Variants in PSMD3 observed in about 807,000 individuals in gnomAD.
The protein encoded by PSMD3 is proteasome 26S subunit, non-ATPase 3, also known as 26S proteasome non-ATPase regulatory subunit 3.
PSMD3 carries 5 observed loss-of-function variants against 62.8 expected under a neutral mutation model. That is an observed-to-expected ratio of 0.08 (90% CI 0.04 to 0.17). The LOEUF is 0.17. Ranked by LOEUF, PSMD3 falls within the 10% of genes least tolerant of loss-of-function variation. The probability of loss-of-function intolerance (pLI) is 1.00; values close to 1 mark genes in which losing one functional copy is unlikely to be tolerated. For missense variants in PSMD3, 524 were observed against 713.6 expected (o/e 0.73, Z 3.03); for synonymous variants, 265 against 283.9 (o/e 0.93, Z 0.67).
In PSMD3 at chr17:39,990,050, A is replaced by G. The variant is rs376030438; in HGVS notation, c.878-44A>G. 2,104 of 1,598,592 alleles carry G rather than the reference A, an allele frequency of 1.3e-3. 3 individuals are homozygous for G. The highest frequency in any genetic ancestry group is 5.5e-3 in the Middle Eastern group (33 of 5,992). On this transcript the variant is annotated intron_variant, in intron 5 of 11. Transcript: ENST00000264639. ...CCCTGGCTTGTCGGTGGGGAGTTGG[A>G]TGACCCTACTCTGTTGACCAACTCT...
intron 4 of PSMD3, 59 bp from the exon 5 acceptor site, chr17:39,989,680 A>T: frequency 6.7e-7 from 1 of 1,501,040 alleles, no homozygotes. Flanking sequence ...GCGAAGAGTT[A>T]AAGGCAGTTC....
chr17:39,995,657 C>T lies in PSMD3; in HGVS notation c.1320+130C>T. ...ATGGCATAGTCATTTCAGGGCGTGC[C>T]CGTCATTTGCAGTGAAGCCAAGAAG... On this transcript the variant is annotated intron_variant, in intron 9 of 11. Transcript: ENST00000264639. This position sits in a 1 kb window ranked among gnomAD's most constrained non-coding sequence, Gnocchi z 4.1. 2 of 897,518 alleles carry T rather than the reference C, an allele frequency of 2.2e-6. No homozygotes were observed. Among genetic ancestry groups the T allele is most frequent in the African/African-American group, 3.3e-5 (2 of 60,300 alleles). The allele number at this position is 897,518 out of a possible 1,614,324, so 55.6% of individuals were successfully genotyped here.
Position 39,990,216 on chromosome 17 carries a change from C to T in PSMD3, c.981+19C>T, listed in dbSNP as rs932406631. 1 of 1,478,190 alleles carries T rather than the reference C, an allele frequency of 6.8e-7. No homozygotes were observed. The highest frequency in any genetic ancestry group is 9.3e-7 in the Non-Finnish European group (1 of 1,076,618). The allele number at this position is 1,478,190 out of a possible 1,614,324, so 91.6% of individuals were successfully genotyped here. A position where few individuals can be genotyped will look rare whatever the true frequency, so the allele number is the denominator to read the frequency against. On this transcript the variant is annotated intron_variant, in intron 6 of 11. Coordinates refer to ENST00000264639, the MANE Select transcript of PSMD3 (RefSeq NM_002809.4). Reference sequence around the variant, plus strand: ...ACAGACGGTGAGCCACAACTACCATCATCCCTTTGCCTCTTTTTTTTTTTT... The same window carrying T: ...ACAGACGGTGAGCCACAACTACCATTATCCCTTTGCCTCTTTTTTTTTTTT...
chr17:39,990,252 G>C, intron 6 of PSMD3, 55 bp downstream of exon 6: 3 of 1,308,296 alleles, frequency 2.3e-6, no homozygotes, highest in East Asian at 2.5e-5. Flanking sequence ...TTTTTTAAAT[G>C]GTGTCTTGCT....
At chr17:39,992,024 C>CAAA (rs59894264) in intron 6 of PSMD3, among the ~76,000 whole-genome samples, 2 of 102,070 alleles carry the variant, frequency 2.0e-5, no homozygotes, top group East Asian at 3.6e-4. Context: ...GACTCTGTCT[C>CAAA]AAAAAAAAAC....
At chr17:39,993,235 G>A (rs1285088590) in intron 6 of PSMD3, 1 of 152,192 alleles carries the variant, frequency 6.6e-6, no homozygotes, top group Non-Finnish European at 1.5e-5. Context: ...CAATAGTCAT[G>A]TAGGATTAGG....
rs1234335379 is a variant in PSMD3, at chr17:39,997,656, T to C, written c.*75T>C. 2.0e-6 allele frequency: 3 copies of C among 1,503,758 alleles called. No individual in the cohort carries two copies. Among genetic ancestry groups the C allele is most frequent in the Admixed American group, 3.6e-5 (2 of 55,478 alleles). 93.2% of individuals were successfully genotyped at this position (1,503,758 alleles called of 1,614,324 possible). A position where few individuals can be genotyped will look rare whatever the true frequency, so the allele number is the denominator to read the frequency against. On this transcript the variant is annotated 3_prime_UTR_variant, in exon 12 of 12. Coordinates refer to ENST00000264639, the MANE Select transcript of PSMD3 (RefSeq NM_002809.4). ...CTTGGGGGTCCCCTGCCCAGGGCAC[T>C]GTCCCCATTTTCCCACACACAGCTC... is the stretch of plus-strand genomic sequence containing the variant.
In PSMD3 at chr17:39,988,725, C is replaced by A; in HGVS notation, c.592C>A (p.Gln198Lys). The change falls in exon 4 of 12, where the codon CAG becomes AAG. Residue 198 changes from glutamine to lysine, a missense_variant. Physicochemically the swap from Gln to Lys is moderately conservative, Grantham distance 53 (BLOSUM62 1). Transcript: ENST00000264639. Reference protein sequence around the residue: ...SDDLMQKISTQNRRALDLVAA... With the variant: ...SDDLMQKISTKNRRALDLVAA... ...TGATCTGATGCAGAAGATCAGTACTCAGAACCGCCGGGCCCTAGACCTTGT... is the reference window on the plus strand; with the variant it reads ...TGATCTGATGCAGAAGATCAGTACTAAGAACCGCCGGGCCCTAGACCTTGT... 1 of 1,614,210 alleles carries A rather than the reference C, an allele frequency of 6.2e-7. No individual in the cohort carries two copies. The highest frequency in any genetic ancestry group is 8.5e-7 in the Non-Finnish European group (1 of 1,180,026).
In PSMD3 at chr17:39,984,499, C is replaced by T. The variant is rs774860224; in HGVS notation, c.411+15C>T. 5.0e-6 allele frequency: 8 copies of T among 1,603,664 alleles called. No individual in the cohort carries two copies. The Admixed American group carries it at 1.3e-4, about 27-fold the overall frequency. On this transcript the variant is annotated intron_variant, in intron 2 of 11. Transcript: ENST00000264639. The stretch of plus-strand genomic sequence containing the variant: ...TCCTGGAAGAGGTGAGTGAGTCAGG[C>T]CAACTTAAAGGGTGCAGGCCTGGCC...
At chr17:39,990,004 G>A in intron 5 of PSMD3, 75 bp downstream of exon 5, 1 of 1,569,908 alleles carries the variant, frequency 6.4e-7, no homozygotes, top group Non-Finnish European at 8.7e-7. Context: ...AAGGGGTGGT[G>A]CATAAGAGGC....
In PSMD3 at chr17:39,989,754, G is replaced by A. The variant is rs555754663; in HGVS notation, c.702G>A (p.Arg234=). 2.5e-6 allele frequency: 4 copies of A among 1,613,548 alleles called. No individual in the cohort carries two copies. In the East Asian group the frequency reaches 8.9e-5, roughly 36 times the overall value. ...LDVVRSFLHA[R]LRTATLRHDA... ...CTTCTTGAAGCTTCTTGCATGCTCG[G>A]CTCCGGACAGCTACGCTTCGGCATG... Residue 234 remains arginine, a synonymous_variant, in exon 5 of 12, where the codon CGG becomes CGA. Coordinates refer to ENST00000264639, the MANE Select transcript of PSMD3 (RefSeq NM_002809.4).
chr17:39,989,087 G>A (rs928857069), intron 4 of PSMD3, among the ~76,000 whole-genome samples: 2 of 152,162 alleles, frequency 1.3e-5, no homozygotes, highest in Non-Finnish European at 2.9e-5. Flanking sequence ...GTGGGTTAGG[G>A]GTGGAGGGAC....
intron 3 of PSMD3, among the ~76,000 whole-genome samples, chr17:39,988,082 G>C (rs1003074541): frequency 6.6e-6 from 1 of 151,590 alleles, no homozygotes; most frequent in East Asian, 1.9e-4. Flanking sequence ...ACTCCAGCCT[G>C]GTGACAGAGC....
chr17:39,984,517 G>C (rs755702441), intron 2 of PSMD3, 33 bp downstream of exon 2: 3 of 1,551,966 alleles, frequency 1.9e-6, no homozygotes, highest in African/African-American at 2.7e-5. Flanking sequence ...AAGGGTGCAG[G>C]CCTGGCCTCA....
rs1980780858 is a variant in PSMD3, at chr17:39,996,216, A to G, written c.1354A>G (p.Asn452Asp). ...GGATGGTGTCATTGAGGCCAGCATC[A>G]ACCACGAGAAGGGCTATGTCCAATC... ...IRDGVIEASINHEKGYVQSKE... is the reference protein window; with the variant it reads ...IRDGVIEASIDHEKGYVQSKE... The change falls in exon 10 of 12, where the codon AAC (asparagine) becomes GAC (aspartate). Residue 452 changes from asparagine to aspartate, a missense_variant. Around this residue, in one of 4 missense-constraint regions of PSMD3, gnomAD observed 76 missense variants for 97.3 expected, o/e 0.78. Transcript: ENST00000264639. This position sits in a 1 kb window ranked among gnomAD's most constrained non-coding sequence, Gnocchi z 5.1. 1 of 1,613,976 alleles carries G rather than the reference A, an allele frequency of 6.2e-7. No individual in the cohort carries two copies. The highest frequency in any genetic ancestry group is 2.2e-5 in the East Asian group (1 of 44,884).
chr17:39,990,280 C>A, intron 6 of PSMD3, 83 bp downstream of exon 6: 2 of 1,230,544 alleles, frequency 1.6e-6, no homozygotes, highest in Non-Finnish European at 2.2e-6. Context: ...CTGGGCTGGT[C>A]TTGAACTCCT....
intron 6 of PSMD3, among the ~76,000 whole-genome samples, chr17:39,991,371 G>C (rs1327657438): frequency 6.6e-6 from 1 of 152,142 alleles, no homozygotes; most frequent in Admixed American, 6.5e-5. Context: ...GGCCAGGCTG[G>C]TCTCGAACTC....
intron 2 of PSMD3, among the ~76,000 whole-genome samples, chr17:39,985,233 CAA>C (rs1444633268): frequency 2.6e-5 from 4 of 151,862 alleles, no homozygotes; most frequent in African/African-American, 9.7e-5. Context: ...TACCTCAAAA[CAA>C]AACAAAAAAA....
intron 6 of PSMD3, chr17:39,994,316 TGGG>T (rs1212573388): frequency 1.3e-5 from 2 of 152,758 alleles, no homozygotes; most frequent in African/African-American, 4.8e-5. Flanking sequence ...ACTCCTGAGT[TGGG>T]GGGCGTCATT....
Sources: allele counts gnomAD v4.1 joint callset (sites outside exome capture counted in the v4.1 genomes callset), GRCh38; gene constraint gnomAD v4.1.1; regional missense constraint gnomAD v4.1.1; non-coding constraint Gnocchi (gnomAD v3.1); transcripts MANE v1.5; gene names NCBI Gene and HGNC (gene_info 2026-07-23, HGNC 2026-07-21).